MACROD2: variants seen among roughly 807,000 people sequenced by gnomAD.
MACROD2 encodes mono-ADP ribosylhydrolase 2.
A neutral mutation model predicts 70.4 loss-of-function variants in MACROD2; 36 were observed. The observed-to-expected ratio is 0.51, with a 90% CI of 0.39 to 0.68. The LOEUF is 0.68. MACROD2 is among the 30% of genes least tolerant of loss of function. The pLI, the probability that MACROD2 is intolerant of heterozygous loss-of-function variation, is 0.00. For missense variants in MACROD2, 496 were observed against 538.4 expected, an observed-to-expected ratio of 0.92 and a Z score of 0.78; for synonymous variants, 172 against 178.8, an observed-to-expected ratio of 0.96 and a Z score of 0.30.
At chr20:15,699,179 G>T (rs1296738867) in intron 8 of MACROD2, among the ~76,000 whole-genome samples, 1 of 152,102 alleles carries the variant, frequency 6.6e-6, no homozygotes, top group Admixed American at 6.5e-5. Context: ...TACCAGGGTT[G>T]GTTTTCTGGT....
intron 5 of MACROD2, among the ~76,000 whole-genome samples, chr20:14,913,393 A>C (rs1184436211): frequency 2.0e-5 from 3 of 152,038 alleles, no homozygotes; most frequent in Admixed American, 6.5e-5. Flanking sequence ...TTTTTTCTTA[A>C]CCTATGAAAA....
chr20:14,644,474 A>G lies in MACROD2; in HGVS notation c.302-40369A>G, dbSNP rs6110369. Among the ~76,000 whole-genome samples the G allele has an allele frequency of 2.8e-3, 422 of 152,268 alleles. 2 individuals are homozygous for G. Among genetic ancestry groups the G allele is most frequent in the African/African-American group, 9.3e-3 (387 of 41,552 alleles). On this transcript the variant is annotated intron_variant, in intron 4 of 17. Coordinates refer to ENST00000684519, the MANE Select transcript of MACROD2 (RefSeq NM_001351661.2). ...AATGGTTTTATAATTTAGCATTCCA[A>G]TGACACTTCTTATTTGCAGATTATT...
At chr20:15,987,297 C>T in intron 15 of MACROD2, 139 bp downstream of exon 15, 2 of 684,376 alleles carry the variant, frequency 2.9e-6, no homozygotes, top group Non-Finnish European at 4.8e-6. Flanking sequence ...CCCCAAATCT[C>T]CGTTTGAAAG....
intron 5 of MACROD2, among the ~76,000 whole-genome samples, chr20:14,904,216 G>A (rs951367911): frequency 6.6e-6 from 1 of 152,090 alleles, no homozygotes; most frequent in African/African-American, 2.4e-5. Flanking sequence ...GTGGAATGCT[G>A]TTGGATAGTC....
At chr20:14,369,899 A>G (rs204644) in intron 3 of MACROD2, among the ~76,000 whole-genome samples, 135,617 of 152,210 alleles carry the variant, frequency 0.89, 60,640 homozygotes, top group South Asian at 0.93. Flanking sequence ...TGCAATTTCA[A>G]AAATAATCTT....
rs140935974 is a variant in MACROD2 at position 14,945,218 on chromosome 20, A to C, written c.418+260259A>C. ...CTGCAACCTCTGCCTCCCAGGTTCAAGCGATTCTCCTGCCTCAGCCTCCCA... is the reference window on the plus strand; with the variant it reads ...CTGCAACCTCTGCCTCCCAGGTTCACGCGATTCTCCTGCCTCAGCCTCCCA... On this transcript the variant is annotated intron_variant, in intron 5 of 17. Coordinates refer to ENST00000684519, the MANE Select transcript of MACROD2 (RefSeq NM_001351661.2). Among the ~76,000 whole-genome samples, 1,479 of 151,782 alleles carry C rather than the reference A, an allele frequency of 9.7e-3. 27 individuals carry two copies. The highest frequency in any genetic ancestry group is 0.033 in the African/African-American group (1,375 of 41,364).
chr20:14,097,169 T>C (rs1393917774), intron 3 of MACROD2, among the ~76,000 whole-genome samples: 9 of 152,206 alleles, frequency 5.9e-5, no homozygotes, highest in Admixed American at 5.9e-4. Flanking sequence ...TGTAGCTGCA[T>C]ATAGGATTAT....
intron 5 of MACROD2, among the ~76,000 whole-genome samples, chr20:14,790,728 G>A (rs368159118): frequency 7.9e-5 from 12 of 152,140 alleles, no homozygotes; most frequent in East Asian, 1.9e-4. Context: ...TTCACTAATC[G>A]CCCCATGGAC....
chr20:15,943,260 C>T (rs1381523738), intron 12 of MACROD2, among the ~76,000 whole-genome samples: 1 of 152,174 alleles, frequency 6.6e-6, no homozygotes, highest in African/African-American at 2.4e-5. Flanking sequence ...CAAAATTGCT[C>T]TGGAAAACGG....
intron 3 of MACROD2, among the ~76,000 whole-genome samples, chr20:14,362,006 T>A (rs115861901): frequency 0.015 from 2,253 of 152,288 alleles, 22 homozygotes; most frequent in African/African-American, 0.027. Context: ...TTTCTAGCTG[T>A]TTAATAAAGG....
chr20:16,053,137 T>C lies in MACROD2; in HGVS notation c.*3261T>C, dbSNP rs2067479562. The stretch of plus-strand genomic sequence containing the variant: ...CATACACTAAAAAACAACTGTTGCC[T>C]TCATACTATATTTGTTAGAGCAGAA... On this transcript the variant is annotated 3_prime_UTR_variant, in exon 18 of 18. Coordinates refer to ENST00000684519, the MANE Select transcript of MACROD2 (RefSeq NM_001351661.2). 1 of 150,636 alleles carries C rather than the reference T, an allele frequency of 6.6e-6. No individual in the cohort carries two copies. Among genetic ancestry groups the C allele is most frequent in the South Asian group, 2.1e-4 (1 of 4,670 alleles). 9.3% of individuals were successfully genotyped at this position (150,636 alleles called of 1,614,324 possible). A position where few individuals can be genotyped will look rare whatever the true frequency, so the allele number is the denominator to read the frequency against.
intron 2 of MACROD2, chr20:14,003,502 G>A (rs902073761): frequency 1.5e-5 from 4 of 267,478 alleles, no homozygotes; most frequent in African/African-American, 6.7e-5. Context: ...TGACCTGTCT[G>A]CCCAGTGTCT....
At chr20:14,425,312 A>G (rs535333018) in intron 3 of MACROD2, among the ~76,000 whole-genome samples, 22 of 152,220 alleles carry the variant, frequency 1.4e-4, no homozygotes, top group African/African-American at 5.3e-4. Context: ...CTCTCTCCGC[A>G]TTACCCCATA....
At chr20:14,471,040 G>A (rs188924617) in intron 3 of MACROD2, among the ~76,000 whole-genome samples, 1 of 152,254 alleles carries the variant, frequency 6.6e-6, no homozygotes, top group African/African-American at 2.4e-5. Flanking sequence ...TGAAACCCAG[G>A]GCCCTGGTGG....
intron 2 of MACROD2, among the ~76,000 whole-genome samples, chr20:14,016,745 A>G (rs1482825505): frequency 6.6e-6 from 1 of 152,150 alleles, no homozygotes. Flanking sequence ...CCAGAACCAC[A>G]TTATTTTGAT....
chr20:14,690,448 T>G (rs1434020830), intron 5 of MACROD2, among the ~76,000 whole-genome samples: 1 of 152,232 alleles, frequency 6.6e-6, no homozygotes, highest in African/African-American at 2.4e-5. Context: ...TAGCTTAAAA[T>G]GTACTGTTGA....
intron 5 of MACROD2, among the ~76,000 whole-genome samples, chr20:14,749,225 C>T (rs1371583114): frequency 6.6e-6 from 1 of 152,070 alleles, no homozygotes; most frequent in African/African-American, 2.4e-5. Context: ...GCTCGTACGT[C>T]ATATGCTATG....
At chr20:14,193,219 A>G (rs1025261952) in intron 3 of MACROD2, among the ~76,000 whole-genome samples, 2 of 152,224 alleles carry the variant, frequency 1.3e-5, no homozygotes, top group South Asian at 2.1e-4. Flanking sequence ...CTAGGATTAC[A>G]TTGATGAACA....
chr20:15,513,578 G>A (rs187768864), intron 8 of MACROD2, among the ~76,000 whole-genome samples: 15 of 152,290 alleles, frequency 9.8e-5, no homozygotes, highest in South Asian at 2.1e-4. Flanking sequence ...GTGTGTGTGC[G>A]TGCACGTGTG....
Sources: allele counts gnomAD v4.1 joint callset (sites outside exome capture counted in the v4.1 genomes callset), GRCh38; gene constraint gnomAD v4.1.1; transcripts MANE v1.5; gene names NCBI Gene and HGNC (gene_info 2026-07-23, HGNC 2026-07-21).